The following CYP7B1 variants were observed in gnomAD, a reference collection of about 807,000 sequenced individuals.
CYP7B1 encodes cytochrome P450 family 7 subfamily B member 1.
In CYP7B1, 29 loss-of-function variants were observed where a neutral mutation model predicts 42.7. The ratio of observed to expected loss-of-function variants is 0.68; its 90% CI spans 0.51 to 0.93. The LOEUF (loss-of-function observed/expected upper bound fraction) is 0.93, where lower values mean the gene tolerates loss of function less well. Among genes scored for constraint, CYP7B1 ranks in the 40% least tolerant of loss-of-function variants. The probability of loss-of-function intolerance (pLI) is 0.00; values close to 1 mark genes in which losing one functional copy is unlikely to be tolerated. For synonymous variants in CYP7B1, 235 were observed against 218.2 expected, an observed-to-expected ratio of 1.08 and a Z score of -0.68; for missense variants, 655 against 600.5, an observed-to-expected ratio of 1.09 and a Z score of -0.95.
chr8:64,741,862 T>C (rs1158763533), intron 1 of CYP7B1, among the ~76,000 whole-genome samples: 1 of 152,138 alleles, frequency 6.6e-6, no homozygotes, highest in African/African-American at 2.4e-5. Context: ...TATAAATATA[T>C]GGTAGAGATA....
chr8:64,613,313 G>A (rs1563542684), intron 4 of CYP7B1, among the ~76,000 whole-genome samples: 1 of 151,928 alleles, frequency 6.6e-6, no homozygotes, highest in East Asian at 1.9e-4. Flanking sequence ...CATTTTTTCT[G>A]GTCTAATAAA....
intron 1 of CYP7B1, among the ~76,000 whole-genome samples, chr8:64,673,509 C>T (rs1433711140): frequency 6.6e-6 from 1 of 152,102 alleles, no homozygotes; most frequent in African/African-American, 2.4e-5. Flanking sequence ...TAGCCATGTC[C>T]TGGGAGCAAA....
At chr8:64,665,478 A>T (rs1806260842) in intron 1 of CYP7B1, among the ~76,000 whole-genome samples, 1 of 151,706 alleles carries the variant, frequency 6.6e-6, no homozygotes, top group Admixed American at 6.6e-5. Context: ...AACTAGGCAA[A>T]CTAAGTTTGG....
intron 1 of CYP7B1, among the ~76,000 whole-genome samples, chr8:64,730,445 G>C (rs116948456): frequency 0.017 from 2,636 of 152,174 alleles, 28 homozygotes; most frequent in Middle Eastern, 0.027. Flanking sequence ...TGAGAGACAA[G>C]AAGGCAACAA....
chr8:64,745,690 C>T (rs1807633390), intron 1 of CYP7B1, among the ~76,000 whole-genome samples: 1 of 152,166 alleles, frequency 6.6e-6, no homozygotes, highest in Non-Finnish European at 1.5e-5. Flanking sequence ...CTGTTTCCTA[C>T]TGAGGTACAT....
chr8:64,616,653 A>G (rs1805453779), intron 2 of CYP7B1, among the ~76,000 whole-genome samples: 1 of 152,228 alleles, frequency 6.6e-6, no homozygotes, highest in Admixed American at 6.5e-5. Context: ...CAAATTGGCA[A>G]CATGCCATTC....
chr8:64,690,501 T>C (rs1806722647), intron 1 of CYP7B1, among the ~76,000 whole-genome samples: 1 of 152,222 alleles, frequency 6.6e-6, no homozygotes, highest in Non-Finnish European at 1.5e-5. Context: ...CAGCCTTCTT[T>C]GAAGCCAAGA....
At chr8:64,617,258 G>T (rs887822288) in intron 2 of CYP7B1, among the ~76,000 whole-genome samples, 7 of 152,076 alleles carry the variant, frequency 4.6e-5, no homozygotes, top group African/African-American at 1.7e-4. Context: ...GCTTGGAGGG[G>T]GTCCTACCAG....
intron 1 of CYP7B1, among the ~76,000 whole-genome samples, chr8:64,647,244 C>T (rs1805967884): frequency 6.6e-6 from 1 of 151,970 alleles, no homozygotes; most frequent in South Asian, 2.1e-4. Context: ...TTCTTGGAGC[C>T]CCACAACAAT....
intron 1 of CYP7B1, among the ~76,000 whole-genome samples, chr8:64,751,889 T>C (rs984697708): frequency 1.1e-4 from 16 of 152,198 alleles, no homozygotes; most frequent in Admixed American, 4.6e-4. Flanking sequence ...ATCTCTCTAA[T>C]AGCATGTGAA....
chr8:64,625,853 C>T (rs1291969955), intron 1 of CYP7B1, among the ~76,000 whole-genome samples: 1 of 148,514 alleles, frequency 6.7e-6, no homozygotes, highest in African/African-American at 2.5e-5. Flanking sequence ...TTCTTTCTTT[C>T]TTTTTTTTTT....
At chr8:64,703,879 G>A (rs2129632510) in intron 1 of CYP7B1, 1 of 152,066 alleles carries the variant, frequency 6.6e-6, no homozygotes, top group East Asian at 1.9e-4. Flanking sequence ...TTCATCCTTT[G>A]GCTTTTTCTT....
intron 1 of CYP7B1, among the ~76,000 whole-genome samples, chr8:64,756,886 T>G (rs1185713285): frequency 1.3e-5 from 2 of 152,224 alleles, no homozygotes; most frequent in Non-Finnish European, 2.9e-5. Flanking sequence ...CTAAGAACTT[T>G]CATCTTCAGT....
chr8:64,604,031 C>T (rs1188739189), intron 5 of CYP7B1, among the ~76,000 whole-genome samples: 5 of 152,102 alleles, frequency 3.3e-5, no homozygotes, highest in African/African-American at 4.8e-5. Context: ...ATCTCTGAAG[C>T]GGTATTAAGG....
chr8:64,668,688 GA>G (rs140094704), intron 1 of CYP7B1, among the ~76,000 whole-genome samples: 1 of 114,064 alleles, frequency 8.8e-6, no homozygotes, highest in African/African-American at 3.2e-5. Context: ...TTTTTAAAAG[GA>G]AAAAAAATCT....
intron 1 of CYP7B1, among the ~76,000 whole-genome samples, chr8:64,682,677 TC>T (rs1365435285): frequency 2.6e-5 from 4 of 152,290 alleles, no homozygotes; most frequent in Non-Finnish European, 5.9e-5. Context: ...TTTTCAAACA[TC>T]TGCTCCTCTC....
intron 5 of CYP7B1, among the ~76,000 whole-genome samples, chr8:64,598,915 G>A (rs985416744): frequency 3.1e-4 from 47 of 152,208 alleles, no homozygotes; most frequent in African/African-American, 1.1e-3. Flanking sequence ...AAAGGGTGCA[G>A]GAGCATAAAT....
At chr8:64,779,756 T>C (rs1171452288) in intron 1 of CYP7B1, among the ~76,000 whole-genome samples, 3 of 152,176 alleles carry the variant, frequency 2.0e-5, no homozygotes, top group African/African-American at 7.2e-5. Context: ...GCTCTCATCC[T>C]ACTATTATTT....
intron 1 of CYP7B1, among the ~76,000 whole-genome samples, chr8:64,779,851 T>C (rs980556338): frequency 6.6e-6 from 1 of 152,176 alleles, no homozygotes; most frequent in Non-Finnish European, 1.5e-5. Context: ...GGAGTTCCCA[T>C]TTGTTAAACA....
Sources: allele counts gnomAD v4.1 joint callset (sites outside exome capture counted in the v4.1 genomes callset), GRCh38; gene constraint gnomAD v4.1.1; transcripts MANE v1.5; gene names NCBI Gene and HGNC (gene_info 2026-07-23, HGNC 2026-07-21).